The following ZNF407 variants were observed in gnomAD, a reference collection of about 807,000 sequenced individuals.
ZNF407 encodes zinc finger protein 407.
In ZNF407, 17 loss-of-function variants were observed where a neutral mutation model predicts 131.2. The observed-to-expected ratio is 0.13, with a 90% CI of 0.09 to 0.19. The LOEUF is 0.19. Among genes scored for constraint, ZNF407 ranks in the 10% least tolerant of loss-of-function variants. The probability of loss-of-function intolerance (pLI) is 1.00; values close to 1 mark genes in which losing one functional copy is unlikely to be tolerated. For synonymous variants in ZNF407, 1,156 were observed against 1,062.0 expected (o/e 1.09, Z -1.72); for missense variants, 2,681 against 2,830.6 (o/e 0.95, Z 1.20).
At chr18:74,916,286 T>TGC (rs759536924) in intron 7 of ZNF407, among the ~76,000 whole-genome samples, 1 of 119,410 alleles carries the variant, frequency 8.4e-6, no homozygotes, top group Non-Finnish European at 1.6e-5. Flanking sequence ...TGTGTGTGTG[T>TGC]GTGCATGTGT....
intron 6 of ZNF407, among the ~76,000 whole-genome samples, chr18:74,884,668 G>A (rs910800932): frequency 6.6e-6 from 1 of 152,090 alleles, no homozygotes; most frequent in Admixed American, 6.6e-5. Flanking sequence ...AGGTTAATAT[G>A]AACTATAGAG....
chr18:75,015,894 T>C (rs954428703), intron 8 of ZNF407, among the ~76,000 whole-genome samples: 3 of 152,028 alleles, frequency 2.0e-5, no homozygotes, highest in Non-Finnish European at 2.9e-5. Flanking sequence ...CAGAGAGAGA[T>C]ATAAATGCAA....
intron 4 of ZNF407, among the ~76,000 whole-genome samples, chr18:74,846,153 TTACAATCTTA>T (rs1350854316): frequency 2.0e-5 from 3 of 152,198 alleles, no homozygotes; most frequent in Non-Finnish European, 4.4e-5. Context: ...AAATGGTCTA[TTACAATCTTA>T]TAAATCTTAG....
intron 7 of ZNF407, among the ~76,000 whole-genome samples, chr18:74,908,003 T>A (rs1971619355): frequency 6.6e-6 from 1 of 152,178 alleles, no homozygotes; most frequent in African/African-American, 2.4e-5. Flanking sequence ...TACATAACTA[T>A]CTGTATTTCT....
intron 4 of ZNF407, among the ~76,000 whole-genome samples, chr18:74,865,700 A>G (rs1971000877): frequency 6.6e-6 from 1 of 152,248 alleles, no homozygotes; most frequent in South Asian, 2.1e-4. Context: ...TTTCAAAATA[A>G]CTTAGAATAT....
chr18:74,634,822 C>G lies in ZNF407; in HGVS notation c.3803C>G (p.Thr1268Arg). ...RSAESPVLVV[T>R]RITREQGNLE... is the part of the protein sequence containing the mutation. ...GCTGAAAGCCCTGTGCTCGTTGTGA[C>G]AAGAATAACCAGAGAACAGGGAAAT... The change falls in exon 2 of 9, where the codon ACA (threonine) becomes AGA (arginine). Residue 1268 changes from threonine to arginine, a missense_variant. Physicochemically the swap from Thr to Arg is moderately conservative, Grantham distance 71 (BLOSUM62 -1). Around this residue, in one of 6 missense-constraint regions of ZNF407, gnomAD observed 1,789 missense variants for 1,748.7 expected, o/e 1.02. Transcript: ENST00000299687. 1 of 1,613,882 alleles carries G rather than the reference C, an allele frequency of 6.2e-7. No individual in the cohort carries two copies. The highest frequency in any genetic ancestry group is 1.1e-5 in the South Asian group (1 of 91,068).
chr18:74,890,479 AAACAT>A (rs1273152593), intron 7 of ZNF407, among the ~76,000 whole-genome samples: 7 of 152,246 alleles, frequency 4.6e-5, no homozygotes, highest in Non-Finnish European at 8.8e-5. Context: ...ACTGTTTAAA[AAACAT>A]AACATTCTTT....
At chr18:74,598,799 CCTT>C (rs1487061979) in intron 1 of ZNF407, among the ~76,000 whole-genome samples, 4 of 152,256 alleles carry the variant, frequency 2.6e-5, no homozygotes, top group Admixed American at 2.0e-4. Flanking sequence ...TGCTTGGCCT[CCTT>C]CTGGAGTTTA....
intron 1 of ZNF407, among the ~76,000 whole-genome samples, chr18:74,599,092 A>G (rs1982457404): frequency 6.6e-6 from 1 of 152,240 alleles, no homozygotes; most frequent in Non-Finnish European, 1.5e-5. Context: ...TATACTCATC[A>G]GAACCTTATT....
intron 4 of ZNF407, among the ~76,000 whole-genome samples, chr18:74,786,024 G>A (rs1029267194): frequency 6.6e-6 from 1 of 152,204 alleles, no homozygotes; most frequent in African/African-American, 2.4e-5. Flanking sequence ...GAAAAGCCAT[G>A]CGTTTATAGA....
chr18:74,657,744 C>G (rs1374280293), intron 3 of ZNF407, among the ~76,000 whole-genome samples: 1 of 152,134 alleles, frequency 6.6e-6, no homozygotes, highest in Non-Finnish European at 1.5e-5. Flanking sequence ...TGTACTTGTT[C>G]CATGTTCCAT....
intron 3 of ZNF407, among the ~76,000 whole-genome samples, chr18:74,736,741 G>A (rs1036554340): frequency 3.3e-5 from 5 of 152,086 alleles, no homozygotes; most frequent in African/African-American, 1.2e-4. Context: ...ATAAAAACGA[G>A]AATAAATTTC....
intron 8 of ZNF407, among the ~76,000 whole-genome samples, chr18:75,033,013 G>C (rs1015729013): frequency 7.4e-6 from 1 of 134,648 alleles, no homozygotes; most frequent in Non-Finnish European, 1.5e-5. Context: ...CTCGGAATGG[G>C]GGGAAGATAG....
chr18:74,899,713 G>A (rs1433802215), intron 7 of ZNF407, among the ~76,000 whole-genome samples: 1 of 152,200 alleles, frequency 6.6e-6, no homozygotes, highest in African/African-American at 2.4e-5. Flanking sequence ...GGGACCTCCA[G>A]GAAAGAGAGG....
At chr18:74,871,525 T>G (rs1019865583) in intron 4 of ZNF407, among the ~76,000 whole-genome samples, 10 of 152,182 alleles carry the variant, frequency 6.6e-5, no homozygotes, top group African/African-American at 2.2e-4. Flanking sequence ...TTTTTTAACA[T>G]TAGTGTAGTT....
intron 7 of ZNF407, among the ~76,000 whole-genome samples, chr18:74,901,837 T>C (rs1270576335): frequency 1.3e-5 from 2 of 152,172 alleles, no homozygotes; most frequent in African/African-American, 4.8e-5. Context: ...CATCTCTTTT[T>C]AACAAAACAA....
intron 8 of ZNF407, among the ~76,000 whole-genome samples, chr18:74,948,699 G>A (rs891648979): frequency 6.6e-6 from 1 of 152,116 alleles, no homozygotes; most frequent in Non-Finnish European, 1.5e-5. Flanking sequence ...TTACCTTTTA[G>A]GAGAAAGAGG....
Position 74,634,668 on chromosome 18 carries a change from C to G in ZNF407, c.3649C>G (p.His1217Asp), listed in dbSNP as rs776425129. Residue 1217 changes from histidine (H) to aspartate (D), a missense_variant, in exon 2 of 9, where the codon CAT (histidine) becomes GAT (aspartate). Transcript: ENST00000299687. ...AAATTGTGAGACAGCAAAGAAAAAC[C>G]ATGAGATATCGAATGATGCAGGTGA... ...ALNCETAKKN[H>D]EISNDAGELR... 6.2e-7 allele frequency: 1 copy of G among 1,613,982 alleles called. No individual in the cohort carries two copies. Among genetic ancestry groups the G allele is most frequent in the South Asian group, 1.1e-5 (1 of 91,072 alleles).
At chr18:74,940,411 A>G (rs1450883249) in intron 8 of ZNF407, among the ~76,000 whole-genome samples, 1 of 151,994 alleles carries the variant, frequency 6.6e-6, no homozygotes, top group African/African-American at 2.4e-5. Context: ...GCCCAGGAGG[A>G]CTTTGCTGGC....
Sources: gnomAD v4.1 joint callset for allele counts (sites outside exome capture counted in the v4.1 genomes callset) on GRCh38, gnomAD v4.1.1 for gene constraint, gnomAD v4.1.1 regional missense constraint, MANE v1.5 for transcripts, NCBI Gene and HGNC (gene_info 2026-07-23, HGNC 2026-07-21) for gene names.